LPIN2: variants seen among roughly 807,000 people sequenced by gnomAD.
LPIN2 encodes phosphatidate phosphatase LPIN2.
In LPIN2, 55 loss-of-function variants were observed where a neutral mutation model predicts 111.4. That is an observed-to-expected ratio of 0.49 (90% CI 0.40 to 0.62). The LOEUF (loss-of-function observed/expected upper bound fraction) is 0.62. Ranked by LOEUF, LPIN2 falls within the 20% of genes least tolerant of loss-of-function variation. The probability of loss-of-function intolerance (pLI) is 0.00; values close to 1 mark genes in which losing one functional copy is unlikely to be tolerated. For synonymous variants in LPIN2, 425 were observed against 414.0 expected (o/e 1.03, Z -0.32); for missense variants, 992 against 1,112.1 (o/e 0.89, Z 1.54).
At chr18:3,009,812 G>A (rs889352562) in intron 1 of LPIN2, among the ~76,000 whole-genome samples, 2 of 152,094 alleles carry the variant, frequency 1.3e-5, no homozygotes, top group African/African-American at 4.8e-5. Flanking sequence ...AACATTCAAA[G>A]GCTTTAGCAG....
chr18:2,923,976 G>T, intron 15 of LPIN2, 115 bp from the exon 16 acceptor site: 1 of 849,030 alleles, frequency 1.2e-6, no homozygotes, highest in Non-Finnish European at 2.0e-6. Context: ...ACTCTTGAAA[G>T]GGGATTTAAT....
intron 8 of LPIN2, among the ~76,000 whole-genome samples, chr18:2,932,942 T>A (rs1954685446): frequency 6.6e-6 from 1 of 152,122 alleles, no homozygotes; most frequent in African/African-American, 2.4e-5. Context: ...GCCAACGAGA[T>A]CAGGAGTTCC....
In LPIN2 at chr18:2,917,533, C is replaced by T. The variant is rs2076988273; in HGVS notation, c.*2760G>A. On this transcript the variant is annotated 3_prime_UTR_variant, in exon 20 of 20. Coordinates refer to ENST00000677752, the MANE Select transcript of LPIN2 (RefSeq NM_001375808.2). ...CAGCGCTTCCCAGTCATCCAATCTC[C>T]TTTGTCCCTCGGTTGTTCTGTGACT... 6.6e-6 allele frequency: 1 copy of T among 152,278 alleles called. No individual in the cohort carries two copies. Among genetic ancestry groups the T allele is most frequent in the African/African-American group, 2.4e-5 (1 of 41,462 alleles). The allele number at this position is 152,278 out of a possible 1,614,324, so 9.4% of individuals were successfully genotyped here. A position where few individuals can be genotyped will look rare whatever the true frequency, so the allele number is the denominator to read the frequency against.
intron 1 of LPIN2, chr18:2,967,669 G>T (rs531131369): frequency 6.6e-6 from 1 of 152,178 alleles, no homozygotes; most frequent in African/African-American, 2.4e-5. Flanking sequence ...CGCAGTCTAG[G>T]GTAAGTTGAA....
Position 2,938,030 on chromosome 18 carries a change from T to C in LPIN2, c.830A>G (p.Lys277Arg), listed in dbSNP as rs1171826173. Residue 277 changes from lysine (K) to arginine (R), a missense_variant, in exon 7 of 20, where the codon AAA becomes AGA. Lys to Arg is a conservative substitution (Grantham distance 26). This residue lies in a region of LPIN2 where 709 missense variants were observed against 753.2 expected (regional missense o/e 0.94). Coordinates refer to ENST00000677752, the MANE Select transcript of LPIN2 (RefSeq NM_001375808.2). ...AGGATGATGGTCAGATCGTTCTCTT[T>C]TGCTGACCTAAAAAAGTTAAATTGT... Reference protein sequence around the residue: ...GGFPESTKVSKRERSDHHPRT... With the variant: ...GGFPESTKVSRRERSDHHPRT... 3 of 1,613,376 alleles carry C rather than the reference T, an allele frequency of 1.9e-6. No homozygotes were observed. The highest frequency in any genetic ancestry group is 1.7e-4 in the Middle Eastern group (1 of 5,966).
intron 1 of LPIN2, among the ~76,000 whole-genome samples, chr18:2,963,801 CAAG>C (rs1259694529): frequency 1.3e-5 from 2 of 151,908 alleles, no homozygotes; most frequent in South Asian, 2.1e-4. Context: ...ATTCTTGGAA[CAAG>C]AAGAATACAT....
rs1482230926 is a variant in LPIN2, at chr18:2,919,965, T to C, written c.*328A>G. On this transcript the variant is annotated 3_prime_UTR_variant, in exon 20 of 20. Coordinates refer to ENST00000677752, the MANE Select transcript of LPIN2 (RefSeq NM_001375808.2). The stretch of plus-strand genomic sequence containing the variant: ...CTGTGTGCAGTGTTTTGGTCCACTC[T>C]TTTTTAGCTGCTTTTTTCTTCCTTT... The C allele has an allele frequency of 2.4e-6, 1 of 410,546 alleles. No individual in the cohort carries two copies. The highest frequency in any genetic ancestry group is 4.6e-6 in the Non-Finnish European group (1 of 216,888). The allele number at this position is 410,546 out of a possible 1,614,324, so 25.4% of individuals were successfully genotyped here.
Position 2,954,594 on chromosome 18 carries a change from A to G in LPIN2, c.198T>C (p.Asp66=). The G allele has an allele frequency of 6.2e-7, 1 of 1,605,380 alleles. No homozygotes were observed. Among genetic ancestry groups the G allele is most frequent in the Non-Finnish European group, 8.5e-7 (1 of 1,172,002 alleles). ...CCACTGCACTGCCGTTGATTTCTAT[A>G]TCAATCTATGGGAGAAACAAAGTAT... ...GVLRSKEKVI[D]IEINGSAVDL... is the part of the protein sequence containing the mutation. Residue 66 remains aspartate, a synonymous_variant, in exon 3 of 20, where the codon GAT becomes GAC. Transcript: ENST00000677752.
chr18:2,923,356 A>C (rs113057551), intron 16 of LPIN2, among the ~76,000 whole-genome samples: 13 of 141,130 alleles, frequency 9.2e-5, no homozygotes, highest in African/African-American at 3.4e-4. Flanking sequence ...GGAGGCGGAG[A>C]CTGCAGTGAG....
intron 1 of LPIN2, among the ~76,000 whole-genome samples, chr18:3,003,474 G>T (rs1414882439): frequency 1.3e-5 from 2 of 152,178 alleles, no homozygotes; most frequent in African/African-American, 4.8e-5. Context: ...AGCAGGAGCC[G>T]AGGCAGAAGA....
At chr18:2,960,108 T>A (rs1019435965) in intron 2 of LPIN2, among the ~76,000 whole-genome samples, 2 of 151,160 alleles carry the variant, frequency 1.3e-5, no homozygotes, top group African/African-American at 2.4e-5. Context: ...AGGCGGAGGT[T>A]GCAGTGAGCC....
chr18:2,921,793 A>G (rs2144117275), intron 17 of LPIN2, 146 bp from the exon 18 acceptor site: 1 of 771,332 alleles, frequency 1.3e-6, no homozygotes, highest in Non-Finnish European at 2.1e-6. Context: ...TGCCAGTCTG[A>G]TAACTAAGAA....
At chr18:3,010,043 A>G (rs563618584) in intron 1 of LPIN2, among the ~76,000 whole-genome samples, 5 of 152,286 alleles carry the variant, frequency 3.3e-5, no homozygotes, top group Admixed American at 3.3e-4. Context: ...ATCAAGAGCA[A>G]GGCAGCCCAC....
intron 2 of LPIN2, among the ~76,000 whole-genome samples, chr18:2,956,311 G>GTGTGTGTGTGTGTGTGTGT (rs2077612603): frequency 1.4e-5 from 2 of 143,960 alleles, no homozygotes; most frequent in Non-Finnish European, 3.0e-5. Context: ...TAGATGCAGG[G>GTGTGTGTGTGTGTGTGTGT]GTGTGTGTGT....
intron 1 of LPIN2, among the ~76,000 whole-genome samples, chr18:2,991,407 T>A (rs779496835): frequency 4.6e-5 from 7 of 152,202 alleles, no homozygotes; most frequent in Middle Eastern, 3.4e-3. Context: ...AGAAAACAAG[T>A]TTGGTCGTTT....
At chr18:2,935,165 C>A (rs990621452) in intron 7 of LPIN2, among the ~76,000 whole-genome samples, 2 of 152,198 alleles carry the variant, frequency 1.3e-5, no homozygotes, top group African/African-American at 2.4e-5. Flanking sequence ...GTAAAACACA[C>A]TAAGATACTT....
Position 2,944,437 on chromosome 18 carries a change from C to T in LPIN2, c.591-3725G>A, listed in dbSNP as rs538109074. Among the ~76,000 whole-genome samples, 9 of 138,714 alleles carry T rather than the reference C, an allele frequency of 6.5e-5. No homozygotes were observed. The East Asian group carries it at 6.8e-4, about 10-fold the overall frequency. The allele number at this position is 138,714 out of a possible 152,430, so 91.0% of individuals were successfully genotyped here. The stretch of plus-strand genomic sequence containing the variant: ...CGCAATCTCAGCTCACTGCCAGCTC[C>T]GCCTCTTAGGTTCACGCCATTCTCC... On this transcript the variant is annotated intron_variant, in intron 4 of 19. Coordinates refer to ENST00000677752, the MANE Select transcript of LPIN2 (RefSeq NM_001375808.2).
chr18:2,936,042 G>A (rs2077281128), intron 7 of LPIN2, among the ~76,000 whole-genome samples: 1 of 152,284 alleles, frequency 6.6e-6, no homozygotes, highest in South Asian at 2.1e-4. Flanking sequence ...GGCCTTTGGT[G>A]GAAGAGCAGG....
chr18:2,943,234 A>C (rs573620679), intron 4 of LPIN2, among the ~76,000 whole-genome samples: 3 of 152,090 alleles, frequency 2.0e-5, no homozygotes, highest in African/African-American at 7.2e-5. Context: ...CAAATCAATA[A>C]GCATTTTTTA....
Sources: allele counts gnomAD v4.1 joint callset (sites outside exome capture counted in the v4.1 genomes callset), GRCh38; gene constraint gnomAD v4.1.1; regional missense constraint gnomAD v4.1.1; transcripts MANE v1.5; gene names NCBI Gene and HGNC (gene_info 2026-07-23, HGNC 2026-07-21).